Variants in HMCN2 observed in about 807,000 individuals in gnomAD.
The protein encoded by HMCN2 is hemicentin 2.
In HMCN2, 325 loss-of-function variants were observed where a neutral mutation model predicts 377.5. That is an observed-to-expected ratio of 0.86 (90% CI 0.79 to 0.94). The LOEUF is 0.94. Among genes scored for constraint, HMCN2 ranks in the 40% least tolerant of loss-of-function variants. The pLI is 0.00. For missense variants in HMCN2, 4,543 were observed against 4,725.3 expected, an observed-to-expected ratio of 0.96 and a Z score of 1.13; for synonymous variants, 2,007 against 2,046.8, an observed-to-expected ratio of 0.98 and a Z score of 0.53.
chr9:130,396,911 G>T (rs976972891), intron 73 of HMCN2, among the ~76,000 whole-genome samples: 1 of 152,228 alleles, frequency 6.6e-6, no homozygotes, highest in African/African-American at 2.4e-5. Flanking sequence ...GAGAGGTCAA[G>T]CCCAGGAGGG....
At chr9:130,329,777 T>G (rs1316486258) in intron 22 of HMCN2, among the ~76,000 whole-genome samples, 1 of 151,692 alleles carries the variant, frequency 6.6e-6, no homozygotes, top group Admixed American at 6.6e-5. Context: ...GAAGCTTTGT[T>G]CGCAGGCTCT....
At chr9:130,274,141 C>A (rs1471858897) in intron 1 of HMCN2, among the ~76,000 whole-genome samples, 3 of 151,968 alleles carry the variant, frequency 2.0e-5, no homozygotes, top group African/African-American at 7.3e-5. Context: ...CAGCTTCCAC[C>A]TCCCTGGTTC....
At chr9:130,355,935 G>C (rs909364786) in intron 33 of HMCN2, 81 bp downstream of exon 33, 3 of 978,338 alleles carry the variant, frequency 3.1e-6, no homozygotes, top group Admixed American at 2.6e-5. Context: ...AAGTGGACAG[G>C]AGAGAGGCTT....
rs1412440833 is a variant in HMCN2 at position 130,312,614 on chromosome 9, T to TTCTC, written c.2350+2555_2350+2558dup. 1.1e-4 allele frequency among the ~76,000 whole-genome samples: 11 copies of TTCTC among 100,056 alleles called. No individual in the cohort carries two copies. The South Asian group carries it at 3.2e-3, about 29-fold the overall frequency. 65.6% of individuals were successfully genotyped at this position (100,056 alleles called of 152,430 possible). A position where few individuals can be genotyped will look rare whatever the true frequency, so the allele number is the denominator to read the frequency against. On this transcript the variant is annotated intron_variant, in intron 15 of 97. Coordinates refer to ENST00000683500, the MANE Select transcript of HMCN2 (RefSeq NM_001291815.2). ...TTTCTTTCTTTCTTTCTTTCTTTCT[T>TTCTC]TCTCTGTCTCTCTCTTTCTTTCCCT... is the stretch of plus-strand genomic sequence containing the variant.
chr9:130,424,704 C>T lies in HMCN2; in HGVS notation c.13382-72C>T, dbSNP rs1365158982. On this transcript the variant is annotated intron_variant, in intron 87 of 97. Coordinates refer to ENST00000683500, the MANE Select transcript of HMCN2 (RefSeq NM_001291815.2). ...TCCTGGGGGCAGTGGGGAGCCATGA[C>T]GGGACCTTGAACAGGAGGTGGCTGC... The T allele has an allele frequency of 1.3e-5, 19 of 1,423,436 alleles. No individual in the cohort carries two copies. In the East Asian group the frequency reaches 2.1e-4, roughly 16 times the overall value. 88.2% of individuals were successfully genotyped at this position (1,423,436 alleles called of 1,614,324 possible). A position where few individuals can be genotyped will look rare whatever the true frequency, so the allele number is the denominator to read the frequency against.
At chr9:130,280,225 C>T (rs1180845536) in intron 1 of HMCN2, among the ~76,000 whole-genome samples, 2 of 147,520 alleles carry the variant, frequency 1.4e-5, no homozygotes, top group East Asian at 2.0e-4. Context: ...CAGTGGTGCG[C>T]GATCTCGGCT....
chr9:130,433,285 G>C, intron 97 of HMCN2, 63 bp from the exon 98 acceptor site: 1 of 1,299,498 alleles, frequency 7.7e-7, no homozygotes. Context: ...TGAGTTACGC[G>C]GATGGGCCAC....
At chr9:130,329,871 C>T (rs1838333834) in intron 22 of HMCN2, among the ~76,000 whole-genome samples, 1 of 152,000 alleles carries the variant, frequency 6.6e-6, no homozygotes, top group East Asian at 1.9e-4. Flanking sequence ...ACACCACACC[C>T]CCTCCGTCCC....
chr9:130,422,669 G>T lies in HMCN2; in HGVS notation c.13324G>T (p.Ala4442Ser), dbSNP rs1339776143. The T allele has an allele frequency of 2.4e-5, 32 of 1,314,610 alleles. No individual in the cohort carries two copies. Among genetic ancestry groups the T allele is most frequent in the Non-Finnish European group, 2.9e-5 (30 of 1,024,326 alleles). The allele number at this position is 1,314,610 out of a possible 1,614,324, so 81.4% of individuals were successfully genotyped here. The change falls in exon 87 of 98, where the codon GCA becomes TCA. Residue 4442 changes from alanine (A) to serine (S), a missense_variant. Around this residue, in one of 5 missense-constraint regions of HMCN2, gnomAD observed 1,155 missense variants for 1,157.7 expected, o/e 1.00. Transcript: ENST00000683500. This position sits in a 1 kb window ranked among gnomAD's most constrained non-coding sequence, Gnocchi z 4.2. ...ACTCAACACCAGCGTGATGCAGGAG[G>T]CACACTCCGGGGTCAGCAGCATCCA... is the stretch of plus-strand genomic sequence containing the variant. Reference protein sequence around the residue: ...ATLNTSVMQEAHSGVSSIHSS... With the variant: ...ATLNTSVMQESHSGVSSIHSS...
chr9:130,376,905 TC>T (rs1163094928), intron 52 of HMCN2, among the ~76,000 whole-genome samples: 2 of 150,440 alleles, frequency 1.3e-5, no homozygotes, highest in South Asian at 2.1e-4. Flanking sequence ...CAAGCAATTC[TC>T]CCTGCCTCAG....
chr9:130,382,101 C>A, intron 54 of HMCN2, 83 bp from the exon 55 acceptor site: 1 of 454,426 alleles, frequency 2.2e-6, no homozygotes, highest in Non-Finnish European at 2.9e-6. Context: ...GTCCCAGGTC[C>A]ACTCCAGAGG....
chr9:130,409,383 GC>G (rs1843290955), intron 84 of HMCN2, among the ~76,000 whole-genome samples: 1 of 152,188 alleles, frequency 6.6e-6, no homozygotes, highest in Non-Finnish European at 1.5e-5. Flanking sequence ...CCTGCCTCAG[GC>G]CCCGTGCTGT....
chr9:130,365,421 G>A (rs956142716), intron 41 of HMCN2, among the ~76,000 whole-genome samples: 1 of 152,232 alleles, frequency 6.6e-6, no homozygotes, highest in Non-Finnish European at 1.5e-5. Flanking sequence ...GACTGCCATC[G>A]AGGGGGCCCT....
At position 130,299,501 on chromosome 9, in the gene HMCN2, A is replaced by G. The variant is rs532406147; in HGVS notation, c.1276+213A>G. ...TCAAGGATTTAGAACAAAGTCATCA[A>G]GTCAACTATCCATTCATCCATCTAC... On this transcript the variant is annotated intron_variant, in intron 8 of 97. Coordinates refer to ENST00000683500, the MANE Select transcript of HMCN2 (RefSeq NM_001291815.2). Among the ~76,000 whole-genome samples the G allele has an allele frequency of 2.6e-5, 4 of 152,230 alleles. No homozygotes were observed. In the South Asian group the frequency reaches 8.3e-4, roughly 32 times the overall value.
chr9:130,410,795 C>T (rs1175847358), intron 85 of HMCN2, 143 bp downstream of exon 85: 1 of 744,310 alleles, frequency 1.3e-6, no homozygotes, highest in Non-Finnish European at 2.3e-6. Context: ...CTGAATCCTA[C>T]CAAATGTTTC....
At chr9:130,379,963 C>T (rs1841616592) in intron 54 of HMCN2, among the ~76,000 whole-genome samples, 1 of 152,190 alleles carries the variant, frequency 6.6e-6, no homozygotes, top group Non-Finnish European at 1.5e-5. Context: ...GCAACCTCCA[C>T]CTCCTGGGTT....
chr9:130,415,044 G>A (rs758877665), intron 85 of HMCN2, among the ~76,000 whole-genome samples: 7 of 151,942 alleles, frequency 4.6e-5, no homozygotes, highest in Admixed American at 1.3e-4. Context: ...CACTTGAAGC[G>A]CCAACTCCCA....
rs185537099 is a variant in HMCN2, at chr9:130,429,087, G to A, written c.14198-470G>A. 43 of 186,738 alleles carry A rather than the reference G, an allele frequency of 2.3e-4. 2 individuals are homozygous for A. The East Asian group carries it at 6.7e-3, about 29-fold the overall frequency. 11.6% of individuals were successfully genotyped at this position (186,738 alleles called of 1,614,324 possible). A position where few individuals can be genotyped will look rare whatever the true frequency, so the allele number is the denominator to read the frequency against. On this transcript the variant is annotated intron_variant, in intron 93 of 97. Transcript: ENST00000683500. Reference sequence around the variant, plus strand: ...GCCATCGCACCTCTGTGGCCCCCAGGGCCCTTGGAGTGCCCGACAACTCAC... The same window carrying A: ...GCCATCGCACCTCTGTGGCCCCCAGAGCCCTTGGAGTGCCCGACAACTCAC...
In HMCN2 at chr9:130,425,809, G is replaced by C; in HGVS notation, c.13764G>C (p.Ala4588=). Residue 4588 remains alanine (A), a synonymous_variant, in exon 90 of 98, where the codon GCG becomes GCC. Transcript: ENST00000683500. ...LRCNHSIQYN[A]ARGPQPQLVQ... is the part of the protein sequence containing the mutation. ...GCAACCACAGCATCCAGTACAACGC[G>C]GCCCGGGGCCCCCAGCCCCAGCTGG... 6.4e-7 allele frequency: 1 copy of C among 1,550,532 alleles called. No homozygotes were observed. Among genetic ancestry groups the C allele is most frequent in the South Asian group, 1.2e-5 (1 of 84,054 alleles).
Sources: allele counts gnomAD v4.1 joint callset (sites outside exome capture counted in the v4.1 genomes callset), GRCh38; gene constraint gnomAD v4.1.1; regional missense constraint gnomAD v4.1.1; non-coding constraint Gnocchi (gnomAD v3.1); transcripts MANE v1.5; gene names NCBI Gene and HGNC (gene_info 2026-07-23, HGNC 2026-07-21).